The following BICD1 variants were observed in gnomAD, a reference collection of about 807,000 sequenced individuals.
BICD1 encodes the protein protein bicaudal D homolog 1.
In BICD1, 35 loss-of-function variants were observed where a neutral mutation model predicts 92.5. The ratio of observed to expected loss-of-function variants is 0.38; its 90% confidence interval spans 0.29 to 0.50. The LOEUF is 0.50. Ranked by LOEUF, BICD1 falls within the 20% of genes least tolerant of loss-of-function variation. The pLI is 0.93. For missense variants in BICD1, 950 were observed against 1,189.8 expected, an observed-to-expected ratio of 0.80 and a Z score of 2.97; for synonymous variants, 429 against 465.1, an observed-to-expected ratio of 0.92 and a Z score of 1.00.
At chr12:32,207,208 T>A (rs1945083680) in intron 1 of BICD1, among the ~76,000 whole-genome samples, 1 of 144,272 alleles carries the variant, frequency 6.9e-6, no homozygotes, top group South Asian at 2.3e-4. Context: ...CATAAATTTT[T>A]TGTGCATATT....
At position 32,164,337 on chromosome 12, in the gene BICD1, A is replaced by G. The variant is rs191615326; in HGVS notation, c.214-51910A>G. Among the ~76,000 whole-genome samples the G allele has an allele frequency of 1.5e-3, 226 of 152,318 alleles. 1 individual carries two copies. Among genetic ancestry groups the G allele is most frequent in the Non-Finnish European group, 3.0e-3 (202 of 68,032 alleles). The stretch of plus-strand genomic sequence containing the variant: ...AGGAATCTTTGCAGTTTTAATGGCC[A>G]TGCTATTATGCCCCAATTCTCATTA... On this transcript the variant is annotated intron_variant, in intron 1 of 9. Coordinates refer to ENST00000652176, the MANE Select transcript of BICD1 (RefSeq NM_001714.4).
chr12:32,215,316 C>T (rs182280917), intron 1 of BICD1, among the ~76,000 whole-genome samples: 3 of 152,276 alleles, frequency 2.0e-5, no homozygotes, highest in South Asian at 4.1e-4. Flanking sequence ...TCCCATTCTT[C>T]CCATCTACCC....
chr12:32,375,423 G>C (rs898382938), intron 9 of BICD1, among the ~76,000 whole-genome samples: 4 of 152,016 alleles, frequency 2.6e-5, no homozygotes, highest in South Asian at 2.1e-4. Flanking sequence ...CCAGCTACTC[G>C]GGAGGCTGAA....
At chr12:32,170,652 C>T (rs1226049397) in intron 1 of BICD1, among the ~76,000 whole-genome samples, 2 of 152,086 alleles carry the variant, frequency 1.3e-5, no homozygotes, top group Non-Finnish European at 2.9e-5. Context: ...TTTATGTGAC[C>T]AAAATTTGGC....
At chr12:32,129,367 T>TA (rs1206498165) in intron 1 of BICD1, among the ~76,000 whole-genome samples, 3 of 150,218 alleles carry the variant, frequency 2.0e-5, no homozygotes, top group Non-Finnish European at 4.4e-5. Context: ...CTACTAAAAA[T>TA]AAAAAAAATT....
intron 5 of BICD1, among the ~76,000 whole-genome samples, chr12:32,331,173 G>T (rs148428440): frequency 3.6e-4 from 55 of 152,084 alleles, no homozygotes; most frequent in African/African-American, 1.2e-3. Flanking sequence ...TGAAACAGAG[G>T]TATAGATAAG....
chr12:32,153,990 C>T (rs1943365078), intron 1 of BICD1, among the ~76,000 whole-genome samples: 1 of 151,962 alleles, frequency 6.6e-6, no homozygotes, highest in Admixed American at 6.6e-5. Flanking sequence ...TTGTCGTATA[C>T]TCCTGGGAGA....
chr12:32,156,141 A>G (rs184745078), intron 1 of BICD1, among the ~76,000 whole-genome samples: 1 of 152,384 alleles, frequency 6.6e-6, no homozygotes, highest in East Asian at 1.9e-4. Context: ...GGAGTGGATT[A>G]TCAGACATTT....
intron 1 of BICD1, among the ~76,000 whole-genome samples, chr12:32,131,775 G>A (rs1156891444): frequency 1.3e-5 from 2 of 152,268 alleles, no homozygotes; most frequent in Admixed American, 6.5e-5. Context: ...ATGACTAAAC[G>A]CTTGGTATAC....
At chr12:32,343,883 G>A (rs918836641) in intron 8 of BICD1, among the ~76,000 whole-genome samples, 9 of 152,180 alleles carry the variant, frequency 5.9e-5, no homozygotes, top group African/African-American at 1.9e-4. Flanking sequence ...CTGCCTTTAT[G>A]TTTCACTGCA....
chr12:32,276,582 G>A (rs922724077), intron 2 of BICD1, among the ~76,000 whole-genome samples: 2 of 152,070 alleles, frequency 1.3e-5, no homozygotes, highest in South Asian at 2.1e-4. Flanking sequence ...CCAGGCATTC[G>A]AGCTGGCAAC....
chr12:32,124,254 T>TACAAAAA (rs1285619259), intron 1 of BICD1, among the ~76,000 whole-genome samples: 3 of 152,212 alleles, frequency 2.0e-5, no homozygotes, highest in Admixed American at 1.3e-4. Context: ...TATACAAAAA[T>TACAAAAA]TAGGAAGACG....
At chr12:32,325,835 A>T (rs1948762407) in intron 4 of BICD1, among the ~76,000 whole-genome samples, 1 of 151,848 alleles carries the variant, frequency 6.6e-6, no homozygotes, top group African/African-American at 2.4e-5. Context: ...TGGGAGTGTA[A>T]TCTTTGGGAG....
At position 32,337,801 on chromosome 12, in the gene BICD1, G is replaced by A; in HGVS notation, c.2555G>A (p.Gly852Asp). The change falls in exon 7 of 10, where the codon GGC (glycine) becomes GAC (aspartate). Residue 852 changes from glycine to aspartate, a missense_variant. Gly to Asp is a moderately conservative substitution (Grantham distance 94). Coordinates refer to ENST00000652176, the MANE Select transcript of BICD1 (RefSeq NM_001714.4). This position sits in a 1 kb window ranked among gnomAD's most constrained non-coding sequence, Gnocchi z 4.7. ...ACACCCAACATTCGGGTCAGCAGTGGCACTCAGAGGAAAAGGTATGCATGC... is the reference window on the plus strand; with the variant it reads ...ACACCCAACATTCGGGTCAGCAGTGACACTCAGAGGAAAAGGTATGCATGC... Reference protein sequence around the residue: ...PQTPNIRVSSGTQRKRQFSPS... With the variant: ...PQTPNIRVSSDTQRKRQFSPS... 1 of 1,614,150 alleles carries A rather than the reference G, an allele frequency of 6.2e-7. No individual in the cohort carries two copies. The highest frequency in any genetic ancestry group is 8.5e-7 in the Non-Finnish European group (1 of 1,180,022).
chr12:32,219,725 A>G (rs1945458647), intron 2 of BICD1, among the ~76,000 whole-genome samples: 1 of 152,222 alleles, frequency 6.6e-6, no homozygotes. Flanking sequence ...GGCTATGCTT[A>G]AGTATAAAAA....
rs998983414 is a variant in BICD1 at position 32,293,119 on chromosome 12, C to T, written c.427-875C>T. Among the ~76,000 whole-genome samples, 12 of 152,236 alleles carry T rather than the reference C, an allele frequency of 7.9e-5. No homozygotes were observed. In the South Asian group the frequency reaches 8.3e-4, roughly 11 times the overall value. On this transcript the variant is annotated intron_variant, in intron 2 of 9. Coordinates refer to ENST00000652176, the MANE Select transcript of BICD1 (RefSeq NM_001714.4). ...CCCAGTCTAATTCTTTATAAGTCAC[C>T]GCTATTGACAGTTTTCTGGATATTC... is the stretch of plus-strand genomic sequence containing the variant.
chr12:32,225,811 G>A (rs1270866217), intron 2 of BICD1, among the ~76,000 whole-genome samples: 3 of 151,678 alleles, frequency 2.0e-5, no homozygotes, highest in Non-Finnish European at 4.4e-5. Flanking sequence ...TAGTAGAGAC[G>A]AGGTTTCGCC....
chr12:32,203,588 G>A (rs532426516), intron 1 of BICD1, among the ~76,000 whole-genome samples: 161 of 152,168 alleles, frequency 1.1e-3, no homozygotes, highest in African/African-American at 3.8e-3. Context: ...CTGAACCCCC[G>A]GCCCATTTCG....
intron 1 of BICD1, among the ~76,000 whole-genome samples, chr12:32,143,629 C>T (rs2668306): frequency 0.18 from 27,141 of 152,082 alleles, 2,521 homozygotes; most frequent in East Asian, 0.22. Flanking sequence ...TGCTGCTCTG[C>T]ACCTGTTGTA....
Sources: gnomAD v4.1 joint callset for allele counts (sites outside exome capture counted in the v4.1 genomes callset) on GRCh38, gnomAD v4.1.1 for gene constraint, Gnocchi (gnomAD v3.1) non-coding constraint, MANE v1.5 for transcripts, NCBI Gene and HGNC (gene_info 2026-07-23, HGNC 2026-07-21) for gene names.